The following STARD13 variants were observed in gnomAD, a reference collection of about 807,000 sequenced individuals.
STARD13 encodes stAR-related lipid transfer protein 13.
In STARD13, 62 loss-of-function variants were observed where a neutral mutation model predicts 106.4. The ratio of observed to expected loss-of-function variants is 0.58; its 90% CI spans 0.48 to 0.72. STARD13 has a LOEUF of 0.72. Among genes scored for constraint, STARD13 ranks in the 30% least tolerant of loss-of-function variants. The pLI, the probability that STARD13 is intolerant of heterozygous loss-of-function variation, is 0.00. For synonymous variants in STARD13, 565 were observed against 553.0 expected (o/e 1.02, Z -0.31); for missense variants, 1,387 against 1,424.0 (o/e 0.97, Z 0.42).
At chr13:33,530,119 GTT>G in the STARD13 span, among the ~76,000 whole-genome samples, 7 of 143,718 alleles carry the variant, frequency 4.9e-5, no homozygotes, top group African/African-American at 5.1e-5. Context: ...CTCTACTCAT[GTT>G]TTTTTTTTTT....
chr13:33,613,008 A>C, the STARD13 span, among the ~76,000 whole-genome samples: 1 of 152,224 alleles, frequency 6.6e-6, no homozygotes, highest in Non-Finnish European at 1.5e-5. Context: ...TTGTGGTATT[A>C]AGTTTGAGTT....
the STARD13 span, among the ~76,000 whole-genome samples, chr13:33,550,583 A>G: frequency 5.9e-5 from 9 of 152,174 alleles, no homozygotes; most frequent in African/African-American, 1.9e-4. Context: ...TGATCAGGAA[A>G]TGGTACAAAT....
the STARD13 span, among the ~76,000 whole-genome samples, chr13:33,410,158 G>T: frequency 6.6e-6 from 1 of 152,222 alleles, no homozygotes; most frequent in African/African-American, 2.4e-5. Flanking sequence ...ATCAGTGGTT[G>T]TGTGTGCCTC....
the STARD13 span, among the ~76,000 whole-genome samples, chr13:33,526,140 C>T: frequency 2.9e-3 from 442 of 151,204 alleles, 1 homozygote; most frequent in African/African-American, 0.01. Context: ...TTTTTTTTTA[C>T]AGGCGTGAGC....
intron 1 of STARD13, among the ~76,000 whole-genome samples, chr13:33,338,541 T>C (rs1482397646): frequency 6.6e-6 from 1 of 152,122 alleles, no homozygotes; most frequent in South Asian, 2.1e-4. Flanking sequence ...TACGAGATGC[T>C]GCCAGCCATG....
chr13:33,384,026 A>C, the STARD13 span, among the ~76,000 whole-genome samples: 1 of 152,278 alleles, frequency 6.6e-6, no homozygotes, highest in East Asian at 1.9e-4. Context: ...CTAGAATTCA[A>C]ACTTTGATTG....
rs779905922 is a variant in STARD13, at chr13:33,127,369, G to T, written c.1922+4C>A. On this transcript the variant is annotated splice_donor_region_variant and intron_variant, in intron 6 of 13. Transcript: ENST00000336934. ...ATCCCCTCCTAGGTGAATGTGCTAC[G>T]CACCATGTCCAGCCGTGCTTGTTGG... 6.3e-7 allele frequency: 1 copy of T among 1,585,240 alleles called. No individual in the cohort carries two copies. The highest frequency in any genetic ancestry group is 8.6e-7 in the Non-Finnish European group (1 of 1,166,204).
the STARD13 span, among the ~76,000 whole-genome samples, chr13:33,537,660 C>T: frequency 2.0e-5 from 3 of 151,852 alleles, no homozygotes; most frequent in Non-Finnish European, 4.4e-5. Context: ...TCGGGCTTGG[C>T]CGGGAAGTGT....
At chr13:33,157,783 C>T (rs1882161177) in intron 3 of STARD13, among the ~76,000 whole-genome samples, 1 of 152,188 alleles carries the variant, frequency 6.6e-6, no homozygotes, top group African/African-American at 2.4e-5. Flanking sequence ...AGTACTTCTC[C>T]TTCAAAATAG....
chr13:33,257,695 G>T (rs1890434578), intron 1 of STARD13, among the ~76,000 whole-genome samples: 1 of 152,074 alleles, frequency 6.6e-6, no homozygotes, highest in African/African-American at 2.4e-5. Context: ...TTAAGAACTG[G>T]TATTATTATA....
chr13:33,429,773 T>TA, the STARD13 span, among the ~76,000 whole-genome samples: 1 of 152,026 alleles, frequency 6.6e-6, no homozygotes, highest in Non-Finnish European at 1.5e-5. Context: ...CTGGCAAGGG[T>TA]AGCAGGGTGC....
chr13:33,661,706 G>A, the STARD13 span, among the ~76,000 whole-genome samples: 1 of 152,084 alleles, frequency 6.6e-6, no homozygotes. Context: ...AGAACAGCAT[G>A]GGAGAAACCG....
At chr13:33,597,871 T>C in the STARD13 span, among the ~76,000 whole-genome samples, 2 of 151,772 alleles carry the variant, frequency 1.3e-5, no homozygotes, top group Non-Finnish European at 2.9e-5. Context: ...AAAAAAAGAT[T>C]GCACTTTTGT....
the STARD13 span, among the ~76,000 whole-genome samples, chr13:33,389,412 G>A: frequency 2.0e-5 from 3 of 152,238 alleles, no homozygotes; most frequent in Admixed American, 1.3e-4. Flanking sequence ...AGGAACTGTG[G>A]TGGAGGAAAG....
chr13:33,332,047 T>C (rs1293330428), intron 1 of STARD13, among the ~76,000 whole-genome samples: 2 of 152,126 alleles, frequency 1.3e-5, no homozygotes, highest in African/African-American at 2.4e-5. Context: ...ACCAGGTGAA[T>C]TGCTCACAGC....
intron 1 of STARD13, among the ~76,000 whole-genome samples, chr13:33,284,138 T>A (rs1335538654): frequency 6.6e-6 from 1 of 152,198 alleles, no homozygotes; most frequent in African/African-American, 2.4e-5. Flanking sequence ...TAATTACTTT[T>A]GTTTCTATTC....
the STARD13 span, among the ~76,000 whole-genome samples, chr13:33,544,817 A>G: frequency 6.4e-5 from 8 of 125,144 alleles, no homozygotes; most frequent in African/African-American, 2.5e-4. Context: ...TCTGTCGCCC[A>G]GGCTGGAGTG....
At chr13:33,289,656 C>T (rs1236077018), upstream of STARD13, among the ~76,000 whole-genome samples, 1 of 152,116 alleles carries the variant, frequency 6.6e-6, no homozygotes, top group East Asian at 1.9e-4. Context: ...GAAAATCATC[C>T]TAATCCTATT....
chr13:33,645,080 C>T, the STARD13 span, among the ~76,000 whole-genome samples: 7 of 152,184 alleles, frequency 4.6e-5, no homozygotes, highest in South Asian at 6.2e-4. Context: ...CGCCGTTCCT[C>T]CCACTAAGAG....
Sources: gnomAD v4.1 joint callset for allele counts (sites outside exome capture counted in the v4.1 genomes callset) on GRCh38, gnomAD v4.1.1 for gene constraint, MANE v1.5 for transcripts, NCBI Gene and HGNC (gene_info 2026-07-23, HGNC 2026-07-21) for gene names.